The following PLXNB2 variants were observed in gnomAD, a reference collection of about 807,000 sequenced individuals.
The protein encoded by PLXNB2 is plexin-B2.
A neutral mutation model predicts 202.6 loss-of-function variants in PLXNB2; 85 were observed. The ratio of observed to expected loss-of-function variants is 0.42; its 90% CI spans 0.35 to 0.50. PLXNB2 has a LOEUF of 0.50. Among genes scored for constraint, PLXNB2 ranks in the 20% least tolerant of loss-of-function variants. The probability of loss-of-function intolerance (pLI) is 0.02; values close to 1 mark genes in which losing one functional copy is unlikely to be tolerated. For missense variants in PLXNB2, 2,063 were observed against 2,586.2 expected (o/e 0.80, Z 4.39); for synonymous variants, 1,239 against 1,137.6 (o/e 1.09, Z -1.79).
intron 15 of PLXNB2, 23 bp from the exon 16 acceptor site, chr22:50,283,468 G>GCC: frequency 6.2e-7 from 1 of 1,608,312 alleles, no homozygotes; most frequent in African/African-American, 1.3e-5. Context: ...AGGCAGTGTG[G>GCC]CCCAGGCACT....
rs1291632798 is a variant in PLXNB2, at chr22:50,297,122, C to T, written c.-73-2344G>A. Among the ~76,000 whole-genome samples, 1 of 152,186 alleles carries T rather than the reference C, an allele frequency of 6.6e-6. No individual in the cohort carries two copies. The highest frequency in any genetic ancestry group is 1.5e-5 in the Non-Finnish European group (1 of 68,028). On this transcript the variant is annotated intron_variant, in intron 1 of 36. Coordinates refer to ENST00000359337, the MANE Select transcript of PLXNB2 (RefSeq NM_012401.4). The surrounding 1 kb of genome is among the most constrained non-coding windows in gnomAD (Gnocchi z 5.3). ...GGTCTCCTGAGAAAGCTGGGACCCG[C>T]GGGGACTGGAGACTGCAGCTCCCGA...
intron 2 of PLXNB2, among the ~76,000 whole-genome samples, chr22:50,292,041 C>T (rs1011956125): frequency 6.6e-6 from 1 of 152,232 alleles, no homozygotes. Flanking sequence ...TTTCTCACCA[C>T]ATATTTGAAA....
At position 50,275,514 on chromosome 22, in the gene PLXNB2, C is replaced by A. The variant is rs753171483; in HGVS notation, c.*190G>T. The A allele has an allele frequency of 1.5e-6, 1 of 668,590 alleles. No homozygotes were observed. The highest frequency in any genetic ancestry group is 2.8e-6 in the Non-Finnish European group (1 of 363,156). The allele number at this position is 668,590 out of a possible 1,614,324, so 41.4% of individuals were successfully genotyped here. The stretch of plus-strand genomic sequence containing the variant: ...GGCTGGGGCTGGTGCTGGTGCGGTG[C>A]CCGGCGGTATTGCTCAGAGGAAGAT... On this transcript the variant is annotated 3_prime_UTR_variant, in exon 37 of 37. Coordinates refer to ENST00000359337, the MANE Select transcript of PLXNB2 (RefSeq NM_012401.4).
chr22:50,299,143 G>A (rs890876868), intron 1 of PLXNB2, among the ~76,000 whole-genome samples: 4 of 152,156 alleles, frequency 2.6e-5, no homozygotes, highest in Non-Finnish European at 5.9e-5. Flanking sequence ...GGCAGCAGCC[G>A]CCATGAAGAA....
Position 50,290,189 on chromosome 22 carries a change from C to G in PLXNB2, c.396G>C (p.Leu132=), listed in dbSNP as rs1389823485. 6.2e-7 allele frequency: 1 copy of G among 1,612,590 alleles called. No homozygotes were observed. Among genetic ancestry groups the G allele is most frequent in the Non-Finnish European group, 8.5e-7 (1 of 1,180,016 alleles). Residue 132 remains leucine (L), a synonymous_variant, in exon 3 of 37, where the codon CTG becomes CTC. Transcript: ENST00000359337. ...TCTCCCCGCTGCCGTCCTCGTAGAA[C>G]AGGCGGAGGGAGATGTTGCTCAGGG... ...LRALSNISLR[L]FYEDGSGEKS... is the part of the protein sequence containing the mutation.
chr22:50,293,096 G>A lies in PLXNB2; in HGVS notation c.-14+1623C>T, dbSNP rs1049199638. On this transcript the variant is annotated intron_variant, in intron 2 of 36. Transcript: ENST00000359337. ...GGACCCCAGGCTTCACCAGGATAGG[G>A]GTGATCAGCCAGGAAAAGATGCTGG... is the stretch of plus-strand genomic sequence containing the variant. Among the ~76,000 whole-genome samples, 3 of 152,208 alleles carry A rather than the reference G, an allele frequency of 2.0e-5. No individual in the cohort carries two copies. The East Asian group carries it at 5.8e-4, about 29-fold the overall frequency.
chr22:50,275,521 G>T lies in PLXNB2; in HGVS notation c.*183C>A. 1 of 668,186 alleles carries T rather than the reference G, an allele frequency of 1.5e-6. No homozygotes were observed. The highest frequency in any genetic ancestry group is 2.8e-6 in the Non-Finnish European group (1 of 363,106). The allele number at this position is 668,186 out of a possible 1,614,324, so 41.4% of individuals were successfully genotyped here. On this transcript the variant is annotated 3_prime_UTR_variant, in exon 37 of 37. Transcript: ENST00000359337. ...GCTGGTGCTGGTGCGGTGCCCGGCG[G>T]TATTGCTCAGAGGAAGATGCTACAG...
intron 2 of PLXNB2, among the ~76,000 whole-genome samples, chr22:50,292,632 G>A (rs1039460032): frequency 6.6e-6 from 1 of 152,152 alleles, no homozygotes; most frequent in Non-Finnish European, 1.5e-5. Context: ...AGGAGGGCAG[G>A]GGAGCCCGCT....
At chr22:50,282,588 C>T (rs369098650) in intron 18 of PLXNB2, 123 bp downstream of exon 18, 18 of 737,298 alleles carry the variant, frequency 2.4e-5, no homozygotes, top group Middle Eastern at 7.5e-4. Flanking sequence ...TGGGGTTTTC[C>T]GGAGGCCGCC....
At chr22:50,301,402 G>A (rs1057286320) in intron 1 of PLXNB2, 72 of 875,552 alleles carry the variant, frequency 8.2e-5, no homozygotes, top group Middle Eastern at 5.7e-4. Context: ...ACCGCCAGGC[G>A]CTCGGGGCAC....
chr22:50,298,669 C>G (rs187689006), intron 1 of PLXNB2, among the ~76,000 whole-genome samples: 2 of 152,300 alleles, frequency 1.3e-5, no homozygotes, highest in Admixed American at 1.3e-4. Context: ...TTTTCTGAGA[C>G]AGGTCTCACT....
At chr22:50,276,957 C>A (rs772662756) in intron 33 of PLXNB2, 51 bp from the exon 34 acceptor site, 2 of 1,386,116 alleles carry the variant, frequency 1.4e-6, no homozygotes, top group Non-Finnish European at 2.0e-6. Context: ...CAGGCTGGGG[C>A]TGCTCAGAGT....
At chr22:50,277,265 C>T (rs1343900888) in intron 33 of PLXNB2, among the ~76,000 whole-genome samples, 1 of 150,740 alleles carries the variant, frequency 6.6e-6, no homozygotes, top group East Asian at 1.9e-4. Flanking sequence ...CGCGCCACTG[C>T]ACTCCAGCCT....
rs1446626216 is a variant in PLXNB2, at chr22:50,282,691, C to T, written c.2987+20G>A. On this transcript the variant is annotated intron_variant, in intron 18 of 36. Coordinates refer to ENST00000359337, the MANE Select transcript of PLXNB2 (RefSeq NM_012401.4). ...GCTGGGTGTGGGGAGCAGAGGGGGG[C>T]GGGGGGACACCAGCCTCACCTGGCA... is the stretch of plus-strand genomic sequence containing the variant. 50 of 1,557,040 alleles carry T rather than the reference C, an allele frequency of 3.2e-5. No individual in the cohort carries two copies. The highest frequency in any genetic ancestry group is 3.8e-5 in the Non-Finnish European group (43 of 1,140,746).
At chr22:50,300,241 C>A (rs1788226273) in intron 1 of PLXNB2, 1 of 983,224 alleles carries the variant, frequency 1.0e-6, no homozygotes, top group African/African-American at 1.7e-5. Context: ...GACAGTCACA[C>A]GAGCGCAGGA....
chr22:50,289,584 G>T lies in PLXNB2; in HGVS notation c.1001C>A (p.Thr334Asn). Residue 334 changes from threonine to asparagine, a missense_variant, in exon 3 of 37, where the codon ACC becomes AAC. Around this residue, in one of 2 missense-constraint regions of PLXNB2, gnomAD observed 1,303 missense variants for 1,476.8 expected, o/e 0.88. Transcript: ENST00000359337. The surrounding 1 kb of genome is among the most constrained non-coding windows in gnomAD (Gnocchi z 8.0). ...EANRNACYTGTREARDIFYKP... is the reference protein window; with the variant it reads ...EANRNACYTGNREARDIFYKP... Reference sequence around the variant, plus strand: ...GTAGAAGATGTCACGGGCCTCCCGGGTGCCTGTGTAACAGGCGTTGCGGTT... The same window carrying T: ...GTAGAAGATGTCACGGGCCTCCCGGTTGCCTGTGTAACAGGCGTTGCGGTT... 6.2e-7 allele frequency: 1 copy of T among 1,611,286 alleles called. No individual in the cohort carries two copies. Among genetic ancestry groups the T allele is most frequent in the Non-Finnish European group, 8.5e-7 (1 of 1,179,886 alleles).
Position 50,290,466 on chromosome 22 carries a change from T to C in PLXNB2, c.119A>G (p.Asp40Gly). Reference sequence around the variant, plus strand: ...CAGGTACACCACGCCTGAGGCCTCATCCACAGCCAGGTGGTTCAGCTCTTT... The same window carrying C: ...CAGGTACACCACGCCTGAGGCCTCACCCACAGCCAGGTGGTTCAGCTCTTT... ...SEKELNHLAV[D>G]EASGVVYLGA... The change falls in exon 3 of 37, where the codon GAT (aspartate) becomes GGT (glycine). Residue 40 changes from aspartate to glycine, a missense_variant. Coordinates refer to ENST00000359337, the MANE Select transcript of PLXNB2 (RefSeq NM_012401.4). 6.2e-7 allele frequency: 1 copy of C among 1,612,848 alleles called. No homozygotes were observed. Among genetic ancestry groups the C allele is most frequent in the Non-Finnish European group, 8.5e-7 (1 of 1,179,966 alleles).
chr22:50,283,631 A>C lies in PLXNB2; in HGVS notation c.2541T>G (p.Phe847Leu). Residue 847 changes from phenylalanine (F) to leucine (L), a missense_variant, in exon 15 of 37, where the codon TTT becomes TTG. Physicochemically the swap from Phe to Leu is conservative, Grantham distance 22. Around this residue, in one of 2 missense-constraint regions of PLXNB2, gnomAD observed 1,303 missense variants for 1,476.8 expected, o/e 0.88. Transcript: ENST00000359337. ...TGGACACGGAGTAACGTTCCGGCTG[A>C]AAGGAGCAGTTCCGGCCGGCCACAG... ...RISVAGRNCSFQPERYSVSTR... is the reference protein window; with the variant it reads ...RISVAGRNCSLQPERYSVSTR... The C allele has an allele frequency of 6.2e-7, 1 of 1,612,712 alleles. No homozygotes were observed. The highest frequency in any genetic ancestry group is 8.5e-7 in the Non-Finnish European group (1 of 1,179,874).
At chr22:50,298,358 A>G (rs68097952) in intron 1 of PLXNB2, among the ~76,000 whole-genome samples, 41,926 of 150,652 alleles carry the variant, frequency 0.28, 5,872 homozygotes, top group African/African-American at 0.3. Context: ...CCCTCTCCTG[A>G]GGTCCCTTTT....
Sources: allele counts gnomAD v4.1 joint callset (sites outside exome capture counted in the v4.1 genomes callset), GRCh38; gene constraint gnomAD v4.1.1; regional missense constraint gnomAD v4.1.1; non-coding constraint Gnocchi (gnomAD v3.1); transcripts MANE v1.5; gene names NCBI Gene and HGNC (gene_info 2026-07-23, HGNC 2026-07-21).